LIAS: variants seen among roughly 807,000 people sequenced by gnomAD.
LIAS encodes lipoyl synthase, mitochondrial.
A neutral mutation model predicts 49.4 loss-of-function variants in LIAS; 36 were observed. That is an observed-to-expected ratio of 0.73 (90% CI 0.56 to 0.96). LIAS has a LOEUF of 0.96. Ranked by LOEUF, LIAS falls within the 40% of genes least tolerant of loss-of-function variation. The pLI is 0.00. For missense variants in LIAS, 399 were observed against 456.3 expected (o/e 0.87, Z 1.14); for synonymous variants, 145 against 155.8 (o/e 0.93, Z 0.52).
chr4:39,470,225 C>G, intron 8 of LIAS, 61 bp downstream of exon 8: 1 of 1,461,080 alleles, frequency 6.8e-7, no homozygotes, highest in Non-Finnish European at 9.3e-7. Context: ...CAGGAACCCA[C>G]TCACTTTGAA....
rs1578248655 is a variant in LIAS at position 39,477,194 on chromosome 4, C to A, written c.*79C>A. 1.8e-6 allele frequency: 2 copies of A among 1,115,700 alleles called. No individual in the cohort carries two copies. Among genetic ancestry groups the A allele is most frequent in the East Asian group, 2.5e-5 (1 of 40,598 alleles). 69.1% of individuals were successfully genotyped at this position (1,115,700 alleles called of 1,614,324 possible). A position where few individuals can be genotyped will look rare whatever the true frequency, so the allele number is the denominator to read the frequency against. On this transcript the variant is annotated 3_prime_UTR_variant, in exon 11 of 11. Transcript: ENST00000640888. ...AATAACAGAGGTGGTGCCAGAATGC[C>A]TGGACTGCAGTGGATGTGCCCCACC...
intron 9 of LIAS, among the ~76,000 whole-genome samples, chr4:39,471,869 G>T (rs1745002088): frequency 6.6e-6 from 1 of 151,698 alleles, no homozygotes; most frequent in South Asian, 2.1e-4. Flanking sequence ...TCATCATTTT[G>T]GCCAGGCTAG....
chr4:39,469,996 A>C (rs961589161), intron 7 of LIAS, 23 bp from the exon 8 acceptor site: 2 of 1,586,862 alleles, frequency 1.3e-6, no homozygotes, highest in Non-Finnish European at 1.7e-6. Context: ...ATTCTTGCTG[A>C]CAACAGTCCT....
chr4:39,473,027 A>G (rs1346141238), intron 9 of LIAS, 73 bp from the exon 10 acceptor site: 3 of 861,020 alleles, frequency 3.5e-6, no homozygotes, highest in Non-Finnish European at 5.7e-6. Context: ...CATTCTGCAT[A>G]CATAGGTATA....
In LIAS at chr4:39,478,248, A is replaced by G. The variant is rs922216230; in HGVS notation, c.*1133A>G. 1.3e-5 allele frequency: 2 copies of G among 152,166 alleles called. No individual in the cohort carries two copies. The highest frequency in any genetic ancestry group is 4.8e-5 in the African/African-American group (2 of 41,394). 9.4% of individuals were successfully genotyped at this position (152,166 alleles called of 1,614,324 possible). On this transcript the variant is annotated 3_prime_UTR_variant, in exon 11 of 11. Coordinates refer to ENST00000640888, the MANE Select transcript of LIAS (RefSeq NM_006859.4). ...GCCAGATGTGGTGGCTCATGCCTGT[A>G]ATTCCAGCACTCTGAGAGGCCGAGG...
At chr4:39,464,613 C>G (rs1744685484) in intron 4 of LIAS, among the ~76,000 whole-genome samples, 1 of 152,132 alleles carries the variant, frequency 6.6e-6, no homozygotes, top group Non-Finnish European at 1.5e-5. Context: ...CCTCCTATCT[C>G]AGCCTCCCTA....
intron 1 of LIAS, 105 bp downstream of exon 1, chr4:39,459,267 T>C: frequency 9.8e-7 from 1 of 1,025,164 alleles, no homozygotes; most frequent in Non-Finnish European, 1.4e-6. Context: ...GAACATTTAC[T>C]ACTAGCCAAC....
chr4:39,477,145 A>T lies in LIAS; in HGVS notation c.*30A>T. ...TCAACAAGACCTTCAAGATCACAGA[A>T]ATTTTTAAAATTTGATTCCAGTTAA... On this transcript the variant is annotated 3_prime_UTR_variant, in exon 11 of 11. Transcript: ENST00000640888. 1 of 1,548,300 alleles carries T rather than the reference A, an allele frequency of 6.5e-7. No individual in the cohort carries two copies. The highest frequency in any genetic ancestry group is 1.2e-5 in the South Asian group (1 of 85,106).
intron 1 of LIAS, among the ~76,000 whole-genome samples, chr4:39,460,587 A>G (rs1000173649): frequency 2.6e-5 from 4 of 152,054 alleles, no homozygotes; most frequent in African/African-American, 9.7e-5. Flanking sequence ...TCAGTAGTAA[A>G]CAGTCAACTC....
chr4:39,468,493 G>GAAAAAAAAAA (rs71643297), intron 7 of LIAS: 63 of 128,704 alleles, frequency 4.9e-4, no homozygotes, highest in Middle Eastern at 4.3e-3. Flanking sequence ...AAAGAGAAAG[G>GAAAAAAAAAA]AAAAAAAAAA....
Position 39,462,253 on chromosome 4 carries a change from A to C in LIAS, c.276A>C (p.Lys92Asn), listed in dbSNP as rs557625155. The change falls in exon 3 of 11, where the codon AAA becomes AAC. Residue 92 changes from lysine (K) to asparagine (N), a missense_variant. This residue lies in a region of LIAS where 159 missense variants were observed against 147.6 expected (regional missense o/e 1.08). Coordinates refer to ENST00000640888, the MANE Select transcript of LIAS (RefSeq NM_006859.4). ...TTCCCATGGGGAAAAATTACAATAA[A>C]CTGAAAAATACTTTGCGGAATTTAA... The part of the protein sequence containing the change: ...TEIPMGKNYN[K>N]LKNTLRNLNL... 6.4e-7 allele frequency: 1 copy of C among 1,567,152 alleles called. No individual in the cohort carries two copies. Among genetic ancestry groups the C allele is most frequent in the Admixed American group, 1.9e-5 (1 of 52,778 alleles).
chr4:39,469,026 C>T (rs577934978), intron 7 of LIAS: 1 of 152,276 alleles, frequency 6.6e-6, no homozygotes, highest in Admixed American at 6.5e-5. Context: ...TTGTTATCCA[C>T]ATCCATTCAA....
intron 3 of LIAS, 85 bp downstream of exon 3, chr4:39,462,374 A>G (rs1744551614): frequency 4.7e-6 from 2 of 427,292 alleles, no homozygotes; most frequent in Non-Finnish European, 8.0e-6. Flanking sequence ...TAATAAATAT[A>G]TAAATAATAG....
chr4:39,465,087 T>A lies in LIAS; in HGVS notation c.435T>A (p.Ser145=). Residue 145 remains serine, a synonymous_variant, in exon 5 of 11, where the codon TCT becomes TCA. Coordinates refer to ENST00000640888, the MANE Select transcript of LIAS (RefSeq NM_006859.4). ...DTCTRGCRFC[S]VKTARNPPPL... is the part of the protein sequence containing the mutation. ...GTACAAGAGGTTGCAGATTTTGTTC[T>A]GTTAAGACTGCAAGAAATCCTCCTC... 1 of 1,614,166 alleles carries A rather than the reference T, an allele frequency of 6.2e-7. No individual in the cohort carries two copies.
At chr4:39,472,518 C>T (rs1225094809) in intron 9 of LIAS, among the ~76,000 whole-genome samples, 2 of 152,148 alleles carry the variant, frequency 1.3e-5, no homozygotes, top group Non-Finnish European at 2.9e-5. Flanking sequence ...TCAAGTGAAC[C>T]TAGAGAAAAA....
intron 10 of LIAS, chr4:39,476,173 A>G (rs1218108315): frequency 6.6e-6 from 1 of 152,188 alleles, no homozygotes; most frequent in Non-Finnish European, 1.5e-5. Context: ...GAACTTTCTG[A>G]TGCTTTCTAA....
At position 39,463,242 on chromosome 4, in the gene LIAS, C is replaced by A. The variant is rs184243735; in HGVS notation, c.313-283C>A. On this transcript the variant is annotated intron_variant, in intron 3 of 10. Transcript: ENST00000640888. ...CTGGGAGTATAGGTGCACATTACCA[C>A]GCCTGACTAACTTTGATTTTTTGTA... 2.6e-5 allele frequency among the ~76,000 whole-genome samples: 4 copies of A among 151,902 alleles called. No individual in the cohort carries two copies. The East Asian group carries it at 7.7e-4, about 29-fold the overall frequency.
At chr4:39,473,449 A>G (rs147094118) in intron 10 of LIAS, 14 of 353,760 alleles carry the variant, frequency 4.0e-5, no homozygotes, top group African/African-American at 2.7e-4. Context: ...TAACTCAGCT[A>G]CTATAGTAAA....
rs187997358 is a variant in LIAS, at chr4:39,459,257, G to T, written c.45+95G>T. On this transcript the variant is annotated intron_variant, in intron 1 of 10. Transcript: ENST00000640888. ...AATAATAAAGGCCAGTGCATTTACT[G>T]AACATTTACTACTAGCCAACGGCAG... The T allele has an allele frequency of 1.8e-4, 201 of 1,126,736 alleles. No homozygotes were observed. In the African/African-American group the frequency reaches 3.0e-3, roughly 17 times the overall value. 69.8% of individuals were successfully genotyped at this position (1,126,736 alleles called of 1,614,324 possible).
Sources: allele counts gnomAD v4.1 joint callset (sites outside exome capture counted in the v4.1 genomes callset), GRCh38; gene constraint gnomAD v4.1.1; regional missense constraint gnomAD v4.1.1; transcripts MANE v1.5; gene names NCBI Gene and HGNC (gene_info 2026-07-23, HGNC 2026-07-21).